The following LINGO3 variants were observed in gnomAD, a reference collection of about 807,000 sequenced individuals.
The protein encoded by LINGO3 is leucine-rich repeat and immunoglobulin-like domain-containing nogo receptor-interacting protein 3.
For synonymous variants in LINGO3, 427 were observed against 444.2 expected (o/e 0.96, Z 0.49); for missense variants, 750 against 867.7 (o/e 0.86, Z 1.70).
At chr19:2,293,414 G>A (rs958427725), upstream of LINGO3, among the ~76,000 whole-genome samples, 3 of 147,302 alleles carry the variant, frequency 2.0e-5, no homozygotes, top group African/African-American at 7.5e-5. Flanking sequence ...CTGGAATGCA[G>A]TGGTGCGATC....
At position 2,290,358 on chromosome 19, in the gene LINGO3, C is replaced by T; in HGVS notation, c.1419G>A (p.Gln473=). Residue 473 remains glutamine, a synonymous_variant, in exon 1 of 1, where the codon CAG becomes CAA. Transcript: ENST00000585527. The surrounding 1 kb of genome is among the most constrained non-coding windows in gnomAD (Gnocchi z 6.0). ...CCACGCACGTGTAGGTGCCGCTGTC[C>T]TGCGGCCGCGCGTCCTGGATCTCCA... The T allele has an allele frequency of 6.7e-7, 1 of 1,498,558 alleles. No individual in the cohort carries two copies. Among genetic ancestry groups the T allele is most frequent in the Non-Finnish European group, 8.8e-7 (1 of 1,132,628 alleles). 92.8% of individuals were successfully genotyped at this position (1,498,558 alleles called of 1,614,324 possible).
chr19:2,301,565 G>A, the LINGO3 span, among the ~76,000 whole-genome samples: 25 of 152,144 alleles, frequency 1.6e-4, no homozygotes, highest in African/African-American at 6.0e-4. Context: ...TGTTTTACAC[G>A]GGGAGGCGGA....
At chr19:2,300,023 C>CTTTTT in the LINGO3 span, among the ~76,000 whole-genome samples, 298 of 95,874 alleles carry the variant, frequency 3.1e-3, 2 homozygotes, top group Admixed American at 4.3e-3. Flanking sequence ...TGCCTGGCCT[C>CTTTTT]TTTTTTTTTT....
chr19:2,289,150 G>A (rs747584113), downstream of LINGO3, among the ~76,000 whole-genome samples: 9 of 150,384 alleles, frequency 6.0e-5, no homozygotes, highest in Non-Finnish European at 1.2e-4. Context: ...CTGCGTATGA[G>A]CTGTGTGTCC....
At chr19:2,287,282 G>A (rs1020357251), downstream of LINGO3, among the ~76,000 whole-genome samples, 5 of 152,080 alleles carry the variant, frequency 3.3e-5, no homozygotes, top group Non-Finnish European at 7.4e-5. This position sits in a 1 kb window ranked among gnomAD's most constrained non-coding sequence, Gnocchi z 4.5. Context: ...CAGGGGGCTG[G>A]GAAATCCTAA....
At chr19:2,301,927 CAAAAAA>C in the LINGO3 span, among the ~76,000 whole-genome samples, 5 of 35,296 alleles carry the variant, frequency 1.4e-4, no homozygotes, top group African/African-American at 3.8e-4. Flanking sequence ...GACTCCATCT[CAAAAAA>C]AAAAAAAAAA....
chr19:2,297,824 C>T, the LINGO3 span, among the ~76,000 whole-genome samples: 1 of 151,856 alleles, frequency 6.6e-6, no homozygotes, highest in Non-Finnish European at 1.5e-5. Flanking sequence ...AGGCTGGTCT[C>T]AAACTCCTAA....
chr19:2,302,878 G>T, the LINGO3 span, among the ~76,000 whole-genome samples: 3 of 152,192 alleles, frequency 2.0e-5, no homozygotes, highest in Non-Finnish European at 4.4e-5. Flanking sequence ...CCCCCGCCAT[G>T]CGATCGCACC....
At chr19:2,298,451 C>G in the LINGO3 span, among the ~76,000 whole-genome samples, 736 of 151,950 alleles carry the variant, frequency 4.8e-3, 8 homozygotes, top group African/African-American at 0.015. Flanking sequence ...AGGCTGGTCT[C>G]GAACTCCTGG....
At chr19:2,289,273 GTGTGTGTCCTGGGTGTGAGC>G (rs1338274094), downstream of LINGO3, among the ~76,000 whole-genome samples, 6 of 146,936 alleles carry the variant, frequency 4.1e-5, no homozygotes, top group Admixed American at 6.7e-5. Context: ...GGTGTGAGCT[GTGTGTGTCCTGGGTGTGAGC>G]TGTGTGTCCC....
At chr19:2,291,876 C>G in exon 1 of LINGO3, 1 of 1,044,654 alleles carries the variant, frequency 9.6e-7, no homozygotes, top group Non-Finnish European at 1.4e-6. Flanking sequence ...CCCTCCGCGG[C>G]GCCTCTGCCG....
chr19:2,295,817 C>T (rs1271273570), upstream of LINGO3, among the ~76,000 whole-genome samples: 2 of 152,124 alleles, frequency 1.3e-5, no homozygotes, highest in Non-Finnish European at 2.9e-5. Flanking sequence ...GTACAGATGC[C>T]AAAACTGGGC....
Position 2,290,037 on chromosome 19 carries a change from GCCCGCCGCGGCGGCCGGCCCA to G in LINGO3, c.1719_1739del (p.Gly574_Gly580del). 1 of 1,549,600 alleles carries G rather than the reference GCCCGCCGCGGCGGCCGGCCCA, an allele frequency of 6.5e-7. No homozygotes were observed. The highest frequency in any genetic ancestry group is 8.7e-7 in the Non-Finnish European group (1 of 1,146,656). On this transcript the variant is annotated inframe_deletion, in exon 1 of 1. Coordinates refer to ENST00000585527, the Ensembl canonical transcript of LINGO3. The surrounding 1 kb of genome is among the most constrained non-coding windows in gnomAD (Gnocchi z 6.0). ...TGTTGAACTTGCGCGCGCCTCCCTG[GCCCGCCGCGGCGGCCGGCCCA>G]TCCACCTTGCGGAAGGAGTACTCCA...
chr19:2,302,030 CTTTTAT>C, the LINGO3 span, among the ~76,000 whole-genome samples: 1 of 131,694 alleles, frequency 7.6e-6, no homozygotes, highest in African/African-American at 2.8e-5. Flanking sequence ...AGTCCCTGTT[CTTTTAT>C]TTTTATTTAT....
rs999065127 is a variant in LINGO3 at position 2,290,151 on chromosome 19, G to C, written c.1626C>G (p.Val542=). 1.9e-6 allele frequency: 3 copies of C among 1,612,518 alleles called. No individual in the cohort carries two copies. The highest frequency in any genetic ancestry group is 1.7e-6 in the Non-Finnish European group (2 of 1,179,652). The stretch of plus-strand genomic sequence containing the variant: ...CGAACAGCAGCACGAAGCAGAAGAG[G>C]ACCACGCCCAGGAAGGTGATGCAGC... Residue 542 remains valine, a synonymous_variant, in exon 1 of 1, where the codon GTC becomes GTG. Transcript: ENST00000585527. The surrounding 1 kb of genome is among the most constrained non-coding windows in gnomAD (Gnocchi z 6.0).
In LINGO3 at chr19:2,290,402, C is replaced by A. The variant is rs889674864; in HGVS notation, c.1375G>T (p.Val459Leu). 6.9e-7 allele frequency: 1 copy of A among 1,441,418 alleles called. No homozygotes were observed. The allele number at this position is 1,441,418 out of a possible 1,614,324, so 89.3% of individuals were successfully genotyped here. A position where few individuals can be genotyped will look rare whatever the true frequency, so the allele number is the denominator to read the frequency against. ...ATCTCCAGCGTCCCCCCGGGGAGCA[C>A]GCGCGCCCGGCCCGCGCTGGTGGCC... Residue 459 changes from valine (V) to leucine (L), a missense_variant, in exon 1 of 1, where the codon GTG becomes TTG. Coordinates refer to ENST00000585527, the Ensembl canonical transcript of LINGO3. The surrounding 1 kb of genome is among the most constrained non-coding windows in gnomAD (Gnocchi z 6.0).
the LINGO3 span, among the ~76,000 whole-genome samples, chr19:2,306,994 C>T: frequency 1.3e-5 from 2 of 152,150 alleles, no homozygotes; most frequent in East Asian, 3.9e-4. Flanking sequence ...CTGCGTCCTC[C>T]ACCTGACCAC....
chr19:2,296,885 G>A (rs1009472245), upstream of LINGO3, among the ~76,000 whole-genome samples: 26 of 150,112 alleles, frequency 1.7e-4, no homozygotes, highest in South Asian at 4.9e-3. Context: ...TCAGGAGATC[G>A]AGACCATCCT....
chr19:2,290,691 C>CAGG lies in LINGO3; in HGVS notation c.1085_1086insCCT (p.Trp362delinsCysLeu). 6.2e-7 allele frequency: 1 copy of CAGG among 1,611,450 alleles called. No homozygotes were observed. Among genetic ancestry groups the CAGG allele is most frequent in the Non-Finnish European group, 8.5e-7 (1 of 1,179,448 alleles). On this transcript the variant is annotated protein_altering_variant, in exon 1 of 1. Coordinates refer to ENST00000585527, the Ensembl canonical transcript of LINGO3. The surrounding 1 kb of genome is among the most constrained non-coding windows in gnomAD (Gnocchi z 6.0). ...TGAGGGTCTTGCGACGCTGCACGAT[C>CAGG]CACAGCAGGCGACAGTCGCAGGCCA...
Sources: gnomAD v4.1 joint callset for allele counts (sites outside exome capture counted in the v4.1 genomes callset) on GRCh38, gnomAD v4.1.1 for gene constraint, Gnocchi (gnomAD v3.1) non-coding constraint, MANE v1.5 for transcripts, NCBI Gene and HGNC (gene_info 2026-07-23, HGNC 2026-07-21) for gene names.